NOB1: variants seen among roughly 807,000 people sequenced by gnomAD.
NOB1 encodes the protein NIN1 (RPN12) binding protein 1 homolog.
In NOB1, 44 loss-of-function variants were observed where a neutral mutation model predicts 44.8. The observed-to-expected ratio is 0.98, with a 90% CI of 0.77 to 1.26. The LOEUF (loss-of-function observed/expected upper bound fraction) is 1.26. Among genes scored for constraint, NOB1 ranks in the 50% most tolerant of loss-of-function variants. The pLI, the probability that NOB1 is intolerant of heterozygous loss-of-function variation, is 0.00. For synonymous variants in NOB1, 238 were observed against 218.7 expected (o/e 1.09, Z -0.78); for missense variants, 560 against 544.8 (o/e 1.03, Z -0.28).
At chr16:69,746,242 G>C (rs1266411352) in intron 7 of NOB1, among the ~76,000 whole-genome samples, 1 of 152,226 alleles carries the variant, frequency 6.6e-6, no homozygotes, top group African/African-American at 2.4e-5. Flanking sequence ...GATTCAGAAA[G>C]TTCCTCATCG....
In NOB1 at chr16:69,744,898, T is replaced by C. The variant is rs921404406; in HGVS notation, c.944A>G (p.Lys315Arg). The C allele has an allele frequency of 6.2e-7, 1 of 1,613,872 alleles. No individual in the cohort carries two copies. The highest frequency in any genetic ancestry group is 1.3e-5 in the African/African-American group (1 of 75,036). The change falls in exon 8 of 9, where the codon AAG (lysine) becomes AGG (arginine). Residue 315 changes from lysine (K) to arginine (R), a missense_variant. Physicochemically the swap from Lys to Arg is conservative, Grantham distance 26 (BLOSUM62 2). Coordinates refer to ENST00000268802, the MANE Select transcript of NOB1 (RefSeq NM_014062.3). ...CCGGAGGCCGCGGGGGTTCAGCACC[T>C]TGGGGTTGCGGGAGAAGTGCATGTG... ...TLHMHFSRNP[K>R]VLNPRGLRYS... is the part of the protein sequence containing the mutation.
chr16:69,745,087 T>A, intron 7 of NOB1, 70 bp from the exon 8 acceptor site: 1 of 1,554,252 alleles, frequency 6.4e-7, no homozygotes, highest in Non-Finnish European at 8.8e-7. Flanking sequence ...GAGCACAAGG[T>A]GGGTCTCGGG....
intron 7 of NOB1, among the ~76,000 whole-genome samples, chr16:69,745,885 CG>C (rs2038426704): frequency 6.6e-6 from 1 of 152,190 alleles, no homozygotes; most frequent in Non-Finnish European, 1.5e-5. Flanking sequence ...TGTGCAGTCA[CG>C]GGGCTAATCT....
Position 69,749,715 on chromosome 16 carries a change from T to A in NOB1, c.328-85A>T. 3 of 1,007,270 alleles carry A rather than the reference T, an allele frequency of 3.0e-6. No individual in the cohort carries two copies. In the Admixed American group the frequency reaches 7.4e-5, roughly 25 times the overall value. The allele number at this position is 1,007,270 out of a possible 1,614,324, so 62.4% of individuals were successfully genotyped here. A position where few individuals can be genotyped will look rare whatever the true frequency, so the allele number is the denominator to read the frequency against. On this transcript the variant is annotated intron_variant, in intron 3 of 8. Transcript: ENST00000268802. The stretch of plus-strand genomic sequence containing the variant: ...TTTTTTGGCCGGGCACGATGGCTCA[T>A]GCCTGTAATCCCAGCACTTTAGGAG...
chr16:69,752,494 A>G (rs1490160388), intron 2 of NOB1, 123 bp from the exon 3 acceptor site: 2 of 1,002,540 alleles, frequency 2.0e-6, no homozygotes, highest in Non-Finnish European at 1.5e-6. Flanking sequence ...AACAATTTAG[A>G]AAGGATCACT....
Position 69,748,251 on chromosome 16 carries a change from G to C in NOB1, c.805C>G (p.Arg269Gly), listed in dbSNP as rs149902028. ...LIREARSYILRCHGCFKTTSD... is the reference protein window; with the variant it reads ...LIREARSYILGCHGCFKTTSD... ...ACATACTTGAAACAGCCATGGCAGC[G>C]CAAGATGTAGCTCCGGGCCTCACGA... Residue 269 changes from arginine (R) to glycine (G), a missense_variant, in exon 7 of 9, where the codon CGC (arginine) becomes GGC (glycine). Coordinates refer to ENST00000268802, the MANE Select transcript of NOB1 (RefSeq NM_014062.3). The C allele has an allele frequency of 6.2e-6, 10 of 1,613,652 alleles. No individual in the cohort carries two copies. The African/African-American group carries it at 6.7e-5, about 11-fold the overall frequency.
At chr16:69,754,777 G>A (rs1401554235) in intron 1 of NOB1, 51 bp from the exon 2 acceptor site, 3 of 1,612,572 alleles carry the variant, frequency 1.9e-6, no homozygotes, top group South Asian at 1.1e-5. Flanking sequence ...GCAACGCTCC[G>A]CGCGACTCCA....
intron 8 of NOB1, among the ~76,000 whole-genome samples, chr16:69,743,416 C>T (rs945001791): frequency 6.6e-6 from 1 of 152,152 alleles, no homozygotes; most frequent in Non-Finnish European, 1.5e-5. Flanking sequence ...TTATAAATAA[C>T]TTTACAGGGG....
intron 3 of NOB1, 106 bp downstream of exon 3, chr16:69,752,135 G>C (rs186269258): frequency 5.6e-5 from 55 of 990,874 alleles, no homozygotes; most frequent in South Asian, 1.5e-4. Flanking sequence ...ATAATTGGAG[G>C]GGGGGATGAT....
At chr16:69,749,174 G>A (rs376777339) in intron 5 of NOB1, 39 bp downstream of exon 5, 33 of 1,613,284 alleles carry the variant, frequency 2.0e-5, no homozygotes, top group African/African-American at 2.7e-5. Flanking sequence ...TGGAGGAGAA[G>A]TTGAGCTGTC....
chr16:69,747,540 C>T (rs1319125138), intron 7 of NOB1, among the ~76,000 whole-genome samples: 1 of 152,116 alleles, frequency 6.6e-6, no homozygotes, highest in Non-Finnish European at 1.5e-5. Context: ...TCCATCACCC[C>T]CCAGCTTCAA....
chr16:69,748,549 G>A (rs1338682240), intron 6 of NOB1, among the ~76,000 whole-genome samples: 1 of 152,112 alleles, frequency 6.6e-6, no homozygotes, highest in East Asian at 1.9e-4. Context: ...TCCATGACCT[G>A]TCATTAGCAA....
chr16:69,746,926 C>A (rs987176594), intron 7 of NOB1, among the ~76,000 whole-genome samples: 1 of 149,814 alleles, frequency 6.7e-6, no homozygotes, highest in African/African-American at 2.5e-5. Flanking sequence ...CCCCAAAAAC[C>A]AAAAACAAGA....
intron 3 of NOB1, among the ~76,000 whole-genome samples, chr16:69,750,000 A>ATTTTT (rs369173907): frequency 3.0e-5 from 4 of 131,556 alleles, no homozygotes; most frequent in Admixed American, 8.0e-5. Context: ...AGGATACCCA[A>ATTTTT]TTTTTTTTTT....
rs969069489 is a variant in NOB1, at chr16:69,749,465, C to T, written c.399+94G>A. On this transcript the variant is annotated intron_variant, in intron 4 of 8. Coordinates refer to ENST00000268802, the MANE Select transcript of NOB1 (RefSeq NM_014062.3). ...GGCTGGACAAACTATGTTATTGGTC[C>T]GCGTAAATTTAGTTCACTGTGAAGA... The T allele has an allele frequency of 1.8e-5, 27 of 1,529,446 alleles. No homozygotes were observed. The Middle Eastern group carries it at 1.9e-3, about 106-fold the overall frequency. The allele number at this position is 1,529,446 out of a possible 1,614,324, so 94.7% of individuals were successfully genotyped here.
intron 7 of NOB1, among the ~76,000 whole-genome samples, chr16:69,745,432 G>C (rs533780522): frequency 6.6e-6 from 1 of 152,324 alleles, no homozygotes; most frequent in Non-Finnish European, 1.5e-5. Context: ...AGGCAGTCTG[G>C]CTCCAGAATC....
chr16:69,754,524 CGCACCCAACTGG>C, intron 2 of NOB1, 58 bp downstream of exon 2: 1 of 1,581,964 alleles, frequency 6.3e-7, no homozygotes, highest in Admixed American at 1.7e-5. Context: ...GACCCCAACT[CGCACCCAACTGG>C]GTGCCATCTG....
Position 69,749,555 on chromosome 16 carries a change from T to C in NOB1, c.399+4A>G, listed in dbSNP as rs1378294071. 11 of 1,611,630 alleles carry C rather than the reference T, an allele frequency of 6.8e-6. No homozygotes were observed. The highest frequency in any genetic ancestry group is 1.3e-5 in the African/African-American group (1 of 74,712). On this transcript the variant is annotated splice_donor_region_variant and intron_variant, in intron 4 of 8. Transcript: ENST00000268802. ...TGAACGGCCTGGCTTGTCTAAGAAA[T>C]TACCTTGTAGGGCAGATGGAAACCA...
chr16:69,749,519 A>G (rs769148422), intron 4 of NOB1, 40 bp downstream of exon 4: 1 of 1,582,580 alleles, frequency 6.3e-7, no homozygotes, highest in African/African-American at 1.4e-5. Context: ...GACATGTTTC[A>G]GAAAAGAGCA....
Sources: gnomAD v4.1 joint callset for allele counts (sites outside exome capture counted in the v4.1 genomes callset) on GRCh38, gnomAD v4.1.1 for gene constraint, MANE v1.5 for transcripts, NCBI Gene and HGNC (gene_info 2026-07-23, HGNC 2026-07-21) for gene names.